The following EHHADH variants were observed in gnomAD, a reference collection of about 807,000 sequenced individuals.
EHHADH encodes peroxisomal bifunctional enzyme.
Under a neutral mutation model 64.4 loss-of-function variants are expected in EHHADH, and 48 were observed. The observed-to-expected ratio is 0.75, with a 90% CI of 0.59 to 0.95. The LOEUF (loss-of-function observed/expected upper bound fraction) is 0.95. Among genes scored for constraint, EHHADH ranks in the 40% least tolerant of loss-of-function variants. The pLI is 0.00. For synonymous variants in EHHADH, 308 were observed against 326.7 expected (o/e 0.94, Z 0.62); for missense variants, 854 against 876.6 (o/e 0.97, Z 0.33).
chr3:185,253,937 C>G lies in EHHADH; in HGVS notation c.74+12G>C, dbSNP rs779178730. On this transcript the variant is annotated intron_variant, in intron 1 of 6. Transcript: ENST00000231887. ...GCACGGTCCCCGGGCTGGAGGCGAC[C>G]GAGCCCGTTACCTGATCGCGTTGAC... The G allele has an allele frequency of 1.5e-5, 25 of 1,613,894 alleles. 1 individual carries two copies. Among genetic ancestry groups the G allele is most frequent in the Middle Eastern group, 1.6e-4 (1 of 6,066 alleles).
chr3:185,192,188 C>T lies in EHHADH; in HGVS notation c.*38G>A. On this transcript the variant is annotated 3_prime_UTR_variant, in exon 7 of 7. Coordinates refer to ENST00000231887, the MANE Select transcript of EHHADH (RefSeq NM_001966.4). ...TTCACTGAAATTCAGTCAGCATTAC[C>T]TGATGCTAGCATGTGAGGCATAATC... 6.4e-7 allele frequency: 1 copy of T among 1,570,742 alleles called. No individual in the cohort carries two copies. Among genetic ancestry groups the T allele is most frequent in the South Asian group, 1.2e-5 (1 of 83,438 alleles).
chr3:185,237,329 CT>C (rs1274036945), intron 2 of EHHADH, among the ~76,000 whole-genome samples: 1 of 152,032 alleles, frequency 6.6e-6, no homozygotes, highest in African/African-American at 2.4e-5. Flanking sequence ...TTTGTTTCTT[CT>C]TTTTCATTCC....
chr3:185,204,788 GA>G, intron 5 of EHHADH, 31 bp from the exon 6 acceptor site: 1 of 1,526,728 alleles, frequency 6.5e-7, no homozygotes, highest in Non-Finnish European at 8.9e-7. Flanking sequence ...CAGAGCTTTG[GA>G]AATGTTACTT....
intron 4 of EHHADH, chr3:185,226,770 G>A (rs549117546): frequency 6.6e-6 from 1 of 152,232 alleles, no homozygotes; most frequent in East Asian, 1.9e-4. Flanking sequence ...CAAGTAAGCT[G>A]CTCCCAAATT....
chr3:185,253,927 T>C, intron 1 of EHHADH, 22 bp downstream of exon 1: 1 of 1,613,902 alleles, frequency 6.2e-7, no homozygotes, highest in Non-Finnish European at 8.5e-7. Context: ...GTCCCCGGGC[T>C]GGAGGCGACC....
chr3:185,193,311 G>C lies in EHHADH; in HGVS notation c.1087C>G (p.Pro363Ala). 1 of 1,611,776 alleles carries C rather than the reference G, an allele frequency of 6.2e-7. No individual in the cohort carries two copies. Among genetic ancestry groups the C allele is most frequent in the East Asian group, 2.2e-5 (1 of 44,876 alleles). ...QSGHPWSGPK[P>A]RLTSSVKELG... ...TCCTTCACAGATGAAGTTAACCTGG[G>C]TTTTGGTCCTGACCAAGGGTGGCCG... Residue 363 changes from proline (P) to alanine (A), a missense_variant, in exon 7 of 7, where the codon CCC (proline) becomes GCC (alanine). By Grantham distance (27) the Pro-to-Ala change is conservative. Coordinates refer to ENST00000231887, the MANE Select transcript of EHHADH (RefSeq NM_001966.4).
chr3:185,240,288 G>A (rs1401069192), intron 2 of EHHADH, among the ~76,000 whole-genome samples: 3 of 150,526 alleles, frequency 2.0e-5, no homozygotes, highest in Non-Finnish European at 4.4e-5. Context: ...TTCATAGAAT[G>A]ATTTAGGGAG....
rs926598657 is a variant in EHHADH, at chr3:185,252,211, C to A, written c.74+1738G>T. On this transcript the variant is annotated intron_variant, in intron 1 of 6. Coordinates refer to ENST00000231887, the MANE Select transcript of EHHADH (RefSeq NM_001966.4). ...GGTCAGGAGATTGAGACCATCCTGGCCAACATGGTGAAACCCCGTCTCTAC... is the reference window on the plus strand; with the variant it reads ...GGTCAGGAGATTGAGACCATCCTGGACAACATGGTGAAACCCCGTCTCTAC... 1.4e-4 allele frequency among the ~76,000 whole-genome samples: 22 copies of A among 152,142 alleles called. 1 individual carries two copies. Among genetic ancestry groups the A allele is most frequent in the African/African-American group, 4.6e-4 (19 of 41,514 alleles).
chr3:185,235,847 T>A (rs1719276840), intron 2 of EHHADH, among the ~76,000 whole-genome samples: 1 of 152,216 alleles, frequency 6.6e-6, no homozygotes, highest in Non-Finnish European at 1.5e-5. Flanking sequence ...CCCTCTCATT[T>A]TTGTATGTGT....
chr3:185,220,269 A>G (rs1430422961), intron 4 of EHHADH, among the ~76,000 whole-genome samples: 3 of 152,250 alleles, frequency 2.0e-5, no homozygotes, highest in Non-Finnish European at 2.9e-5. Flanking sequence ...GATTCCAAGT[A>G]CAGTCATATG....
intron 5 of EHHADH, among the ~76,000 whole-genome samples, chr3:185,208,873 A>G (rs983008060): frequency 6.6e-6 from 1 of 152,244 alleles, no homozygotes; most frequent in African/African-American, 2.4e-5. Flanking sequence ...ACATGCTACA[A>G]TACAGATACA....
At chr3:185,213,046 G>C (rs1296074703) in intron 5 of EHHADH, among the ~76,000 whole-genome samples, 1 of 148,824 alleles carries the variant, frequency 6.7e-6, no homozygotes, top group Non-Finnish European at 1.5e-5. Context: ...CTTGAACCCA[G>C]GAGGCGGAGG....
At chr3:185,194,803 A>G (rs1415327524) in intron 6 of EHHADH, among the ~76,000 whole-genome samples, 1 of 104,930 alleles carries the variant, frequency 9.5e-6, no homozygotes, top group African/African-American at 5.7e-5. Flanking sequence ...CCTGTCTCAA[A>G]AAAAAAAAAA....
rs779243157 is a variant in EHHADH at position 185,253,999 on chromosome 3, G to A, written c.24C>T (p.His8=). ...GGAGGCGGATTAGCGCCAAGGCGTT[G>A]TGCAGCCGCGTATACTCGGCCATGT... is the stretch of plus-strand genomic sequence containing the variant. MAEYTRL[H]NALALIRLRN... Residue 8 remains histidine, a synonymous_variant, in exon 1 of 7, where the codon CAC becomes CAT. Coordinates refer to ENST00000231887, the MANE Select transcript of EHHADH (RefSeq NM_001966.4). 17 of 1,613,974 alleles carry A rather than the reference G, an allele frequency of 1.1e-5. No individual in the cohort carries two copies. Among genetic ancestry groups the A allele is most frequent in the Non-Finnish European group, 1.4e-5 (16 of 1,179,926 alleles).
intron 3 of EHHADH, among the ~76,000 whole-genome samples, chr3:185,233,041 T>TTATCA (rs1209058562): frequency 5.3e-5 from 8 of 152,220 alleles, no homozygotes; most frequent in African/African-American, 1.9e-4. Context: ...TAAAGAACAC[T>TTATCA]GATAAAGAGT....
intron 2 of EHHADH, among the ~76,000 whole-genome samples, chr3:185,236,288 T>C (rs1719290457): frequency 6.6e-6 from 1 of 151,846 alleles, no homozygotes; most frequent in Non-Finnish European, 1.5e-5. Flanking sequence ...GTGAGGGATC[T>C]AGGTTGCGCT....
At chr3:185,207,957 T>C (rs1718440325) in intron 5 of EHHADH, among the ~76,000 whole-genome samples, 1 of 152,240 alleles carries the variant, frequency 6.6e-6, no homozygotes, top group Non-Finnish European at 1.5e-5. Context: ...TGTGAATGGC[T>C]AATATGCACA....
intron 2 of EHHADH, among the ~76,000 whole-genome samples, chr3:185,237,821 T>G (rs143098983): frequency 3.3e-5 from 5 of 152,314 alleles, no homozygotes; most frequent in African/African-American, 1.2e-4. Context: ...TATTGCATAA[T>G]GGTGAAGTCT....
At position 185,192,075 on chromosome 3, in the gene EHHADH, C is replaced by A; in HGVS notation, c.*151G>T. On this transcript the variant is annotated 3_prime_UTR_variant, in exon 7 of 7. Transcript: ENST00000231887. ...AGGAAGCACATTCCTAAAGATTTGA[C>A]CATTAGAGTCGTTACACAGAAGATT... 1 of 878,980 alleles carries A rather than the reference C, an allele frequency of 1.1e-6. No homozygotes were observed. The highest frequency in any genetic ancestry group is 1.8e-5 in the South Asian group (1 of 55,326). The allele number at this position is 878,980 out of a possible 1,614,324, so 54.4% of individuals were successfully genotyped here.
Sources: allele counts gnomAD v4.1 joint callset (sites outside exome capture counted in the v4.1 genomes callset), GRCh38; gene constraint gnomAD v4.1.1; transcripts MANE v1.5; gene names NCBI Gene and HGNC (gene_info 2026-07-23, HGNC 2026-07-21).